The following AHNAK2 variants were observed in gnomAD, a reference collection of about 807,000 sequenced individuals.
The protein encoded by AHNAK2 is AHNAK nucleoprotein 2, also known as protein AHNAK2.
In AHNAK2, 18 loss-of-function variants were observed where a neutral mutation model predicts 30.7. That is an observed-to-expected ratio of 0.59 (90% CI 0.41 to 0.87). AHNAK2 has a LOEUF of 0.87. Ranked by LOEUF, AHNAK2 falls within the 40% of genes least tolerant of loss-of-function variation. The probability of loss-of-function intolerance (pLI) is 0.00; values close to 1 mark genes in which losing one functional copy is unlikely to be tolerated. For missense variants in AHNAK2, 8,604 were observed against 7,373.0 expected (o/e 1.17, Z -6.11); for synonymous variants, 3,590 against 3,073.8 (o/e 1.17, Z -5.56).
In AHNAK2 at chr14:104,961,236, C is replaced by T. The variant is rs915899144; in HGVS notation, c.56-3564G>A. On this transcript the variant is annotated intron_variant, in intron 1 of 6. Coordinates refer to ENST00000333244, the MANE Select transcript of AHNAK2 (RefSeq NM_138420.4). ...GAGTGCAAAAGTTGCTGTTGTGGGCCGGGCACGGTGGCTCACGCCTGTAAT... is the reference window on the plus strand; with the variant it reads ...GAGTGCAAAAGTTGCTGTTGTGGGCTGGGCACGGTGGCTCACGCCTGTAAT... Among the ~76,000 whole-genome samples, 11 of 148,670 alleles carry T rather than the reference C, an allele frequency of 7.4e-5. 1 individual carries two copies. Among genetic ancestry groups the T allele is most frequent in the Admixed American group, 6.0e-4 (9 of 14,908 alleles).
In AHNAK2 at chr14:104,939,992, G is replaced by C. The variant is rs1443084693; in HGVS notation, c.15459C>G (p.Pro5153=). The C allele has an allele frequency of 6.2e-7, 1 of 1,612,154 alleles. No homozygotes were observed. Among genetic ancestry groups the C allele is most frequent in the African/African-American group, 1.3e-5 (1 of 74,930 alleles). Residue 5153 remains proline (P), a synonymous_variant, in exon 7 of 7, where the codon CCC becomes CCG. Transcript: ENST00000333244. ...ATGGCTGGAGGGGATCTTCAGGTGT[G>C]GGGGCTATCCCCTCCCCACAAGGCT... ...VSQPCGEGIA[P]TPEDPLQPSC...
rs778520391 is a variant in AHNAK2, at chr14:104,946,810, G to A, written c.8641C>T (p.Leu2881Phe). 8.1e-6 allele frequency: 13 copies of A among 1,612,638 alleles called. No homozygotes were observed. The South Asian group carries it at 1.3e-4, about 16-fold the overall frequency. ...EVQAGQVDVKLPEGHVPEGAG... is the reference protein window; with the variant it reads ...EVQAGQVDVKFPEGHVPEGAG... ...CCCTCGGGAACGTGGCCCTCTGGGA[G>A]TTTCACGTCCACCTGGCCAGCCTGG... is the stretch of plus-strand genomic sequence containing the variant. Residue 2881 changes from leucine to phenylalanine, a missense_variant, in exon 7 of 7, where the codon CTC (leucine) becomes TTC (phenylalanine). Transcript: ENST00000333244.
chr14:104,950,234 C>G lies in AHNAK2; in HGVS notation c.5217G>C (p.Gly1739=), dbSNP rs747432068. The part of the protein sequence containing the change: ...GPLPEGAGFK[G]HLPKVQMPSL... ...TGGGCATCTGCACCTTGGGGAGGTG[C>G]CCTTTGAAGCCGGCTCCCTCGGGAA... The change falls in exon 7 of 7, where the codon GGG becomes GGC. Residue 1739 remains glycine (G), a synonymous_variant. Coordinates refer to ENST00000333244, the MANE Select transcript of AHNAK2 (RefSeq NM_138420.4). The G allele has an allele frequency of 6.3e-7, 1 of 1,585,596 alleles. No individual in the cohort carries two copies. Among genetic ancestry groups the G allele is most frequent in the Non-Finnish European group, 8.6e-7 (1 of 1,162,812 alleles).
chr14:104,952,413 G>C lies in AHNAK2; in HGVS notation c.3038C>G (p.Pro1013Arg). Residue 1013 changes from proline to arginine, a missense_variant, in exon 7 of 7, where the codon CCA becomes CGA. Pro to Arg is a moderately radical substitution (Grantham distance 103, BLOSUM62 -2). Coordinates refer to ENST00000333244, the MANE Select transcript of AHNAK2 (RefSeq NM_138420.4). ...FKMPSFGVSA[P>R]GKSIKALVDV... ...CACCAAGGCCTTGATGGACTTCCCT[G>C]GGGCCGATACCCCGAACGACGGCAT... 1 of 1,612,742 alleles carries C rather than the reference G, an allele frequency of 6.2e-7. No homozygotes were observed. The highest frequency in any genetic ancestry group is 8.5e-7 in the Non-Finnish European group (1 of 1,179,588).
In AHNAK2 at chr14:104,943,636, C is replaced by T. The variant is rs747142815; in HGVS notation, c.11815G>A (p.Glu3939Lys). The change falls in exon 7 of 7, where the codon GAG (glutamate) becomes AAG (lysine). Residue 3939 changes from glutamate to lysine, a missense_variant. Coordinates refer to ENST00000333244, the MANE Select transcript of AHNAK2 (RefSeq NM_138420.4). ...VSLPSVEVDV[E>K]APGAKLDGAR... ...CCATCCAGCTTGGCTCCTGGGGCCT[C>T]GACGTCCACCTCCACGCTGGGCAGA... The T allele has an allele frequency of 4.7e-5, 75 of 1,610,962 alleles. No individual in the cohort carries two copies. The highest frequency in any genetic ancestry group is 5.3e-5 in the Non-Finnish European group (62 of 1,178,916).
rs766306900 is a variant in AHNAK2 at position 104,943,597 on chromosome 14, C to T, written c.11854G>A (p.Gly3952Arg). 12 of 1,613,206 alleles carry T rather than the reference C, an allele frequency of 7.4e-6. No homozygotes were observed. The highest frequency in any genetic ancestry group is 8.5e-6 in the Non-Finnish European group (10 of 1,179,728). ...TCCTTGTCGGCCAGGGACAGGTCCC[C>T]CTCCAGCCGCGCACCATCCAGCTTG... The part of the protein sequence containing the change: ...GAKLDGARLE[G>R]DLSLADKDMT... The change falls in exon 7 of 7, where the codon GGG becomes AGG. Residue 3952 changes from glycine to arginine, a missense_variant. Gly to Arg is a moderately radical substitution (Grantham distance 125). Transcript: ENST00000333244.
chr14:104,947,878 C>T lies in AHNAK2; in HGVS notation c.7573G>A (p.Asp2525Asn), dbSNP rs773774291. 8.7e-6 allele frequency: 14 copies of T among 1,612,584 alleles called. No individual in the cohort carries two copies. The South Asian group carries it at 1.4e-4, about 16-fold the overall frequency. The change falls in exon 7 of 7, where the codon GAC (aspartate) becomes AAC (asparagine). Residue 2525 changes from aspartate (D) to asparagine (N), a missense_variant. By Grantham distance (23) the Asp-to-Asn change is conservative. Transcript: ENST00000333244. ...ADGSLSSMQG[D>N]LKATDLSIQP... ...ATGCTGAGGTCAGTGGCCTTGAGGT[C>T]CCCCTGCATGGAGGAGAGGCTCCCG...
Position 104,973,301 on chromosome 14 carries a change from G to A in AHNAK2, c.55+4882C>T, listed in dbSNP as rs2819453. ...TCGCCATGGGAACTCGGCTGCTGGC[G>A]GGGGCCAGGGAGGGCTGAGGGCAGC... is the stretch of plus-strand genomic sequence containing the variant. On this transcript the variant is annotated intron_variant, in intron 1 of 6. Transcript: ENST00000333244. 6.3e-3 allele frequency among the ~76,000 whole-genome samples: 956 copies of A among 152,328 alleles called. 12 individuals are homozygous for A. The highest frequency in any genetic ancestry group is 0.022 in the African/African-American group (903 of 41,560).
chr14:104,947,742 T>A lies in AHNAK2; in HGVS notation c.7709A>T (p.Gln2570Leu). 1 of 1,612,722 alleles carries A rather than the reference T, an allele frequency of 6.2e-7. No individual in the cohort carries two copies. The highest frequency in any genetic ancestry group is 8.5e-7 in the Non-Finnish European group (1 of 1,179,578). ...TTCAGGCATCTTGAAACTGGGCATCTGCACCTTGGGCAGGTGCCCTTTGAG... is the reference window on the plus strand; with the variant it reads ...TTCAGGCATCTTGAAACTGGGCATCAGCACCTTGGGCAGGTGCCCTTTGAG... ...AGLKGHLPKV[Q>L]MPSFKMPEMD... The change falls in exon 7 of 7, where the codon CAG (glutamine) becomes CTG (leucine). Residue 2570 changes from glutamine (Q) to leucine (L), a missense_variant. Coordinates refer to ENST00000333244, the MANE Select transcript of AHNAK2 (RefSeq NM_138420.4).
At chr14:104,965,169 C>T (rs1302100424) in intron 1 of AHNAK2, among the ~76,000 whole-genome samples, 7 of 152,100 alleles carry the variant, frequency 4.6e-5, no homozygotes, top group South Asian at 2.1e-4. Flanking sequence ...ATAGGACGGA[C>T]GCCCCGATGG....
At position 104,949,885 on chromosome 14, in the gene AHNAK2, C is replaced by A; in HGVS notation, c.5566G>T (p.Glu1856Ter). Residue 1856 changes from glutamate (E) to a stop codon, truncating the protein, a stop_gained, in exon 7 of 7, where the codon GAA (glutamate) becomes TAA (stop). Transcript: ENST00000333244. LOFTEE classifies it low-confidence loss of function (END_TRUNC). ...CCCTGCATGGAGGGGAGGCTCACTTCGGCCTCCACCTTCGGCGCAGACACA... is the reference window on the plus strand; with the variant it reads ...CCCTGCATGGAGGGGAGGCTCACTTAGGCCTCCACCTTCGGCGCAGACACA... The part of the protein sequence containing the change: ...VDVSAPKVEA[E>*]VSLPSMQGDL... 1 of 1,588,418 alleles carries A rather than the reference C, an allele frequency of 6.3e-7. No individual in the cohort carries two copies. The highest frequency in any genetic ancestry group is 8.6e-7 in the Non-Finnish European group (1 of 1,163,322).
chr14:104,971,827 T>C (rs555340063), intron 1 of AHNAK2, among the ~76,000 whole-genome samples: 40 of 152,246 alleles, frequency 2.6e-4, no homozygotes, highest in African/African-American at 9.2e-4. Context: ...ATAGCCTGGG[T>C]GTGGACGTGC....
Position 104,966,060 on chromosome 14 carries a change from C to G in AHNAK2, c.56-8388G>C, listed in dbSNP as rs1031042362. On this transcript the variant is annotated intron_variant, in intron 1 of 6. Transcript: ENST00000333244. The surrounding 1 kb of genome is among the most constrained non-coding windows in gnomAD (Gnocchi z 4.3). ...CCTTGCCCTTCTGCAAGATGGCTCACAGCCCAGGTCCCCTCTGGCTCTGCT... is the reference window on the plus strand; with the variant it reads ...CCTTGCCCTTCTGCAAGATGGCTCAGAGCCCAGGTCCCCTCTGGCTCTGCT... 6.6e-6 allele frequency among the ~76,000 whole-genome samples: 1 copy of G among 152,222 alleles called. No individual in the cohort carries two copies. The highest frequency in any genetic ancestry group is 2.1e-4 in the South Asian group (1 of 4,830).
rs545799426 is a variant in AHNAK2, at chr14:104,945,995, C to A, written c.9456G>T (p.Ser3152=). The A allele has an allele frequency of 2.3e-6, 3 of 1,309,836 alleles. 1 individual carries two copies. The highest frequency in any genetic ancestry group is 3.2e-6 in the Non-Finnish European group (3 of 934,404). The allele number at this position is 1,309,836 out of a possible 1,614,324, so 81.1% of individuals were successfully genotyped here. Residue 3152 remains serine (S), a synonymous_variant, in exon 7 of 7, where the codon TCG becomes TCT. Transcript: ENST00000333244. Reference sequence around the variant, plus strand: ...ACTTGCCTGGGGCAGACACCCCGAACGACGGCATCTTGAACTTGGGCATTT... The same window carrying A: ...ACTTGCCTGGGGCAGACACCCCGAAAGACGGCATCTTGAACTTGGGCATTT... ...KFKMPKFKMP[S]FGVSAPGKSI... is the part of the protein sequence containing the mutation.
At position 104,943,421 on chromosome 14, in the gene AHNAK2, G is replaced by A; in HGVS notation, c.12030C>T (p.Asp4010=). The A allele has an allele frequency of 6.2e-7, 1 of 1,613,238 alleles. No individual in the cohort carries two copies. ...GAACGCTGAGGTCAGTGGCCTTGAG[G>A]TCCCCCTGCATGGAAGGGAGGCTCA... ...ADVSLPSMQG[D]LKATDLSVQP... is the part of the protein sequence containing the mutation. Residue 4010 remains aspartate (D), a synonymous_variant, in exon 7 of 7, where the codon GAC becomes GAT. Transcript: ENST00000333244.
chr14:104,951,971 G>A lies in AHNAK2; in HGVS notation c.3480C>T (p.Asp1160=). The A allele has an allele frequency of 1.2e-6, 2 of 1,612,218 alleles. No individual in the cohort carries two copies. The highest frequency in any genetic ancestry group is 8.5e-7 in the Non-Finnish European group (1 of 1,179,352). ...TGAACTTGGGCATTTTGAACCTGCT[G>A]TCTTTGGCAGTCACATCCTTGTCGG... ...SLADKDVTAK[D]SRFKMPKFKM... is the part of the protein sequence containing the mutation. The change falls in exon 7 of 7, where the codon GAC becomes GAT. Residue 1160 remains aspartate (D), a synonymous_variant. Coordinates refer to ENST00000333244, the MANE Select transcript of AHNAK2 (RefSeq NM_138420.4).
chr14:104,938,234 A>G lies in AHNAK2; in HGVS notation c.17217T>C (p.Ser5739=). The stretch of plus-strand genomic sequence containing the variant: ...CCTCTTCCTTCTCTTCAGGGGAGAA[A>G]CTTTCTCGGGCATCAAAAAACGTGA... ...ETITFFDARE[S]FSPEEKEEGE... is the part of the protein sequence containing the mutation. The change falls in exon 7 of 7, where the codon AGT becomes AGC. Residue 5739 remains serine, a synonymous_variant. Coordinates refer to ENST00000333244, the MANE Select transcript of AHNAK2 (RefSeq NM_138420.4). The G allele has an allele frequency of 6.2e-7, 1 of 1,613,762 alleles. No individual in the cohort carries two copies. The highest frequency in any genetic ancestry group is 1.1e-5 in the South Asian group (1 of 91,058).
rs933321758 is a variant in AHNAK2, at chr14:104,947,175, T to A, written c.8276A>T (p.Asp2759Val). 6.2e-7 allele frequency: 1 copy of A among 1,611,776 alleles called. No homozygotes were observed. The highest frequency in any genetic ancestry group is 2.2e-5 in the East Asian group (1 of 44,634). Residue 2759 changes from aspartate to valine, a missense_variant, in exon 7 of 7, where the codon GAC (aspartate) becomes GTC (valine). Asp to Val is a radical substitution (Grantham distance 152). Transcript: ENST00000333244. Reference protein sequence around the residue: ...PQIDVKGPNVDLKGPKAEVTA... With the variant: ...PQIDVKGPNVVLKGPKAEVTA... ...CACTTCCGCCTTGGGGCCTTTCAGG[T>A]CCACGTTGGGGCCCTTAACATCTAT...
Position 104,941,969 on chromosome 14 carries a change from C to T in AHNAK2, c.13482G>A (p.Glu4494=), listed in dbSNP as rs1299911801. The T allele has an allele frequency of 6.2e-7, 1 of 1,613,442 alleles. No homozygotes were observed. Among genetic ancestry groups the T allele is most frequent in the Non-Finnish European group, 8.5e-7 (1 of 1,179,658 alleles). ...VSVDVSAPKM[E]ADMSIPSMQG... is the part of the protein sequence containing the mutation. ...GCATGGAGGGAATGCTCATGTCGGC[C>T]TCCATCTTTGGCGCAGACACATCCA... The change falls in exon 7 of 7, where the codon GAG becomes GAA. Residue 4494 remains glutamate, a synonymous_variant. Transcript: ENST00000333244.
Sources: gnomAD v4.1 joint callset for allele counts (sites outside exome capture counted in the v4.1 genomes callset) on GRCh38, gnomAD v4.1.1 for gene constraint, Gnocchi (gnomAD v3.1) non-coding constraint, MANE v1.5 for transcripts, NCBI Gene and HGNC (gene_info 2026-07-23, HGNC 2026-07-21) for gene names.